ITPA: variants seen among roughly 807,000 people sequenced by gnomAD.
The protein encoded by ITPA is inosine triphosphatase.
In ITPA, 29 loss-of-function variants were observed where a neutral mutation model predicts 29.6. The observed-to-expected ratio is 0.98, with a 90% CI of 0.73 to 1.34. ITPA has a LOEUF of 1.34. Ranked by LOEUF, ITPA falls within the 40% of genes most tolerant of loss-of-function variation. The probability of loss-of-function intolerance (pLI) is 0.00; values close to 1 mark genes in which losing one functional copy is unlikely to be tolerated. For missense variants in ITPA, 241 were observed against 251.5 expected (o/e 0.96, Z 0.28); for synonymous variants, 103 against 99.3 (o/e 1.04, Z -0.22).
intron 5 of ITPA, among the ~76,000 whole-genome samples, chr20:3,216,300 C>T (rs564798094): frequency 6.6e-6 from 1 of 151,514 alleles, no homozygotes; most frequent in African/African-American, 2.4e-5. Context: ...GCTGGGACTA[C>T]AGGCACGTGC....
chr20:3,219,519 C>A (rs1031147835), intron 6 of ITPA, among the ~76,000 whole-genome samples: 2 of 150,844 alleles, frequency 1.3e-5, no homozygotes, highest in South Asian at 4.2e-4. Flanking sequence ...CTGAGGCGGG[C>A]GGATCACCTG....
chr20:3,205,260 G>A (rs2067062819), upstream of ITPA, among the ~76,000 whole-genome samples: 1 of 151,708 alleles, frequency 6.6e-6, no homozygotes, highest in Non-Finnish European at 1.5e-5. Flanking sequence ...TCAGGATAGC[G>A]ATTACCTCTA....
At position 3,213,229 on chromosome 20, in the gene ITPA, A is replaced by AT. The variant is rs766279705; in HGVS notation, c.124+4dup. On this transcript the variant is annotated splice_donor_region_variant and intron_variant, in intron 2 of 7. Transcript: ENST00000380113. The stretch of plus-strand genomic sequence containing the variant: ...TTTGGTGGCACAGAAAATTGACCGT[A>AT]TGTCTCTGTTTTGTTTTATTTTTAA... 6.2e-7 allele frequency: 1 copy of AT among 1,614,134 alleles called. No homozygotes were observed. Among genetic ancestry groups the AT allele is most frequent in the Non-Finnish European group, 8.5e-7 (1 of 1,180,012 alleles).
chr20:3,209,614 G>A lies in ITPA; in HGVS notation c.63G>A (p.Glu21=). The change falls in exon 1 of 8, where the codon GAG becomes GAA. Residue 21 remains glutamate, a synonymous_variant. Coordinates refer to ENST00000380113, the MANE Select transcript of ITPA (RefSeq NM_033453.4). This position sits in a 1 kb window ranked among gnomAD's most constrained non-coding sequence, Gnocchi z 4.6. ...VFVTGNAKKL[E]EVVQILGDKF... is the part of the protein sequence containing the mutation. ...TAACGGGGAACGCCAAGAAGCTGGA[G>A]GAGGTGCCGGGAGGGTGTTGGGGGC... 1.9e-6 allele frequency: 3 copies of A among 1,613,972 alleles called. No individual in the cohort carries two copies. The highest frequency in any genetic ancestry group is 2.2e-5 in the East Asian group (1 of 44,878).
At chr20:3,218,864 G>A in intron 6 of ITPA, 1 of 592,242 alleles carries the variant, frequency 1.7e-6, no homozygotes, top group Non-Finnish European at 3.1e-6. Context: ...CCTTGCTGAG[G>A]GGTGCCCCTG....
At position 3,218,463 on chromosome 20, in the gene ITPA, G is replaced by C. The variant is rs909898764; in HGVS notation, c.296-54G>C. The C allele has an allele frequency of 1.3e-5, 16 of 1,236,792 alleles. No homozygotes were observed. In the African/African-American group the frequency reaches 1.9e-4, roughly 15 times the overall value. 76.6% of individuals were successfully genotyped at this position (1,236,792 alleles called of 1,614,324 possible). On this transcript the variant is annotated intron_variant, in intron 5 of 7. Transcript: ENST00000380113. ...CACCCTTAGTGGGCGTCTTGGGAGT[G>C]GGGGTGGGAGTTGGCCATTAGGGAT...
At chr20:3,222,023 A>G (rs2067478433) in intron 7 of ITPA, 106 bp downstream of exon 7, 7 of 1,090,732 alleles carry the variant, frequency 6.4e-6, no homozygotes, top group Non-Finnish European at 9.6e-6. Flanking sequence ...TGGGCAGGGG[A>G]GGCTCCCAGG....
At position 3,223,508 on chromosome 20, in the gene ITPA, G is replaced by T. The variant is rs45446691; in HGVS notation, c.*46G>T. 3.7e-3 allele frequency: 5,538 copies of T among 1,495,808 alleles called. 13 individuals carry two copies. Among genetic ancestry groups the T allele is most frequent in the Middle Eastern group, 0.012 (60 of 5,032 alleles). The allele number at this position is 1,495,808 out of a possible 1,614,324, so 92.7% of individuals were successfully genotyped here. A position where few individuals can be genotyped will look rare whatever the true frequency, so the allele number is the denominator to read the frequency against. ...CCCTCAGGCCGGGGATCTGGGGAGGGCTAGCCCAAAACCTCCCGCATCGGG... is the reference window on the plus strand; with the variant it reads ...CCCTCAGGCCGGGGATCTGGGGAGGTCTAGCCCAAAACCTCCCGCATCGGG... On this transcript the variant is annotated 3_prime_UTR_variant, in exon 8 of 8. Coordinates refer to ENST00000380113, the MANE Select transcript of ITPA (RefSeq NM_033453.4).
chr20:3,226,602 A>G (rs1422502359), downstream of ITPA, among the ~76,000 whole-genome samples: 1 of 152,054 alleles, frequency 6.6e-6, no homozygotes, highest in East Asian at 1.9e-4. This position sits in a 1 kb window ranked among gnomAD's most constrained non-coding sequence, Gnocchi z 4.4. Context: ...TCCCCTGTTC[A>G]CGGCCTCTGC....
chr20:3,216,372 A>G (rs1452821107), intron 5 of ITPA, among the ~76,000 whole-genome samples: 2 of 148,594 alleles, frequency 1.3e-5, no homozygotes, highest in Non-Finnish European at 3.0e-5. Flanking sequence ...GTAGGCCAGG[A>G]TGGTCTCAAT....
At chr20:3,206,691 C>T (rs568805031), upstream of ITPA, among the ~76,000 whole-genome samples, 92 of 151,812 alleles carry the variant, frequency 6.1e-4, no homozygotes, top group African/African-American at 1.9e-3. Context: ...ATTAGCCAGG[C>T]GTGGTGGTGG....
At chr20:3,212,576 C>G (rs529121974) in intron 1 of ITPA, among the ~76,000 whole-genome samples, 1 of 152,306 alleles carries the variant, frequency 6.6e-6, no homozygotes, top group South Asian at 2.1e-4. Context: ...CCACCTTGGC[C>G]TCCAAAAGTG....
chr20:3,206,881 G>A (rs1000428801), upstream of ITPA, among the ~76,000 whole-genome samples: 1 of 151,904 alleles, frequency 6.6e-6, no homozygotes, highest in African/African-American at 2.4e-5. Flanking sequence ...AGGCATGGTG[G>A]TGCATGCCTG....
intron 1 of ITPA, among the ~76,000 whole-genome samples, chr20:3,211,622 A>G (rs1442834411): frequency 3.3e-5 from 5 of 152,146 alleles, no homozygotes; most frequent in Non-Finnish European, 7.4e-5. Flanking sequence ...CCTTCCTGGT[A>G]GCTGGGACTA....
upstream of ITPA, chr20:3,209,366 C>A: frequency 1.5e-6 from 1 of 679,920 alleles, no homozygotes; most frequent in Admixed American, 2.1e-5. This position sits in a 1 kb window ranked among gnomAD's most constrained non-coding sequence, Gnocchi z 4.6. Flanking sequence ...CCCAGCAAAT[C>A]GGACGCTGTG....
downstream of ITPA, among the ~76,000 whole-genome samples, chr20:3,225,267 G>T (rs989102139): frequency 6.6e-6 from 1 of 152,092 alleles, no homozygotes; most frequent in Non-Finnish European, 1.5e-5. Context: ...AAAATCCTCA[G>T]AAACTCCACA....
At chr20:3,211,419 C>T (rs1182680923) in intron 1 of ITPA, among the ~76,000 whole-genome samples, 3 of 152,050 alleles carry the variant, frequency 2.0e-5, no homozygotes, top group Non-Finnish European at 4.4e-5. Context: ...ACCCTCCACC[C>T]ATTTCGGCCT....
Position 3,218,507 on chromosome 20 carries a change from C to T in ITPA, c.296-10C>T, listed in dbSNP as rs752563880. 22 of 1,605,052 alleles carry T rather than the reference C, an allele frequency of 1.4e-5. 1 individual carries two copies. In the South Asian group the frequency reaches 2.2e-4, roughly 16 times the overall value. ...TAGGGATGCACTGAGCCCTCACTGC[C>T]CACCCGCAGGTCTCCACCAGCTCCT... On this transcript the variant is annotated splice_polypyrimidine_tract_variant and intron_variant, in intron 5 of 7. Coordinates refer to ENST00000380113, the MANE Select transcript of ITPA (RefSeq NM_033453.4).
chr20:3,223,509 C>T lies in ITPA; in HGVS notation c.*47C>T, dbSNP rs745796492. 1.3e-6 allele frequency: 2 copies of T among 1,485,938 alleles called. No individual in the cohort carries two copies. Among genetic ancestry groups the T allele is most frequent in the South Asian group, 2.3e-5 (2 of 85,552 alleles). The allele number at this position is 1,485,938 out of a possible 1,614,324, so 92.0% of individuals were successfully genotyped here. A position where few individuals can be genotyped will look rare whatever the true frequency, so the allele number is the denominator to read the frequency against. On this transcript the variant is annotated 3_prime_UTR_variant, in exon 8 of 8. Transcript: ENST00000380113. The stretch of plus-strand genomic sequence containing the variant: ...CCTCAGGCCGGGGATCTGGGGAGGG[C>T]TAGCCCAAAACCTCCCGCATCGGGC...
Sources: gnomAD v4.1 joint callset for allele counts (sites outside exome capture counted in the v4.1 genomes callset) on GRCh38, gnomAD v4.1.1 for gene constraint, Gnocchi (gnomAD v3.1) non-coding constraint, MANE v1.5 for transcripts, NCBI Gene and HGNC (gene_info 2026-07-23, HGNC 2026-07-21) for gene names.